The following PHACTR3 variants were observed in gnomAD, a reference collection of about 807,000 sequenced individuals.
PHACTR3 encodes phosphatase and actin regulator 3.
In PHACTR3, 16 loss-of-function variants were observed where a neutral mutation model predicts 66.8. The observed-to-expected ratio is 0.24, with a 90% CI of 0.16 to 0.36. The LOEUF (loss-of-function observed/expected upper bound fraction) is 0.36, where lower values mean the gene tolerates loss of function less well. Ranked by LOEUF, PHACTR3 falls within the 10% of genes least tolerant of loss-of-function variation. The pLI, the probability that PHACTR3 is intolerant of heterozygous loss-of-function variation, is 1.00. For missense variants in PHACTR3, 647 were observed against 719.9 expected, an observed-to-expected ratio of 0.90 and a Z score of 1.16; for synonymous variants, 323 against 292.1, an observed-to-expected ratio of 1.11 and a Z score of -1.08.
chr20:59,810,334 A>G (rs370200833), intron 8 of PHACTR3, among the ~76,000 whole-genome samples: 15 of 152,220 alleles, frequency 9.9e-5, no homozygotes, highest in African/African-American at 2.4e-4. Flanking sequence ...CTAATTTTAA[A>G]CCTTGGACTG....
chr20:59,755,515 T>A, intron 4 of PHACTR3, 151 bp downstream of exon 4: 1 of 914,182 alleles, frequency 1.1e-6, no homozygotes, highest in Non-Finnish European at 1.6e-6. Context: ...CATGCTGTGC[T>A]GCCTGGCTGG....
At chr20:59,742,040 C>T (rs1319779070) in intron 1 of PHACTR3, among the ~76,000 whole-genome samples, 8 of 152,342 alleles carry the variant, frequency 5.3e-5, no homozygotes, top group East Asian at 1.9e-4. Context: ...GGATTATAGG[C>T]GTAAGCCACT....
At chr20:59,737,521 CGTGTATGTGTGT>C (rs1568762687) in intron 1 of PHACTR3, among the ~76,000 whole-genome samples, 1 of 125,960 alleles carries the variant, frequency 7.9e-6, no homozygotes, top group African/African-American at 2.5e-5. Flanking sequence ...TGCATGTGTG[CGTGTATGTGTGT>C]GCGTGCATGT....
At chr20:59,811,783 G>C (rs578081609) in intron 8 of PHACTR3, among the ~76,000 whole-genome samples, 1 of 152,270 alleles carries the variant, frequency 6.6e-6, no homozygotes, top group East Asian at 1.9e-4. Flanking sequence ...CAGCAAGCAG[G>C]CTAGAGCCCC....
At chr20:59,699,532 A>G (rs1172829295) in intron 1 of PHACTR3, among the ~76,000 whole-genome samples, 1 of 151,826 alleles carries the variant, frequency 6.6e-6, no homozygotes, top group Non-Finnish European at 1.5e-5. Context: ...TTTTCTTTCT[A>G]CCCCCTTTCT....
At chr20:59,835,793 CTGGGCTGATGG>C (rs2042508731) in intron 8 of PHACTR3, 1 of 152,238 alleles carries the variant, frequency 6.6e-6, no homozygotes, top group Non-Finnish European at 1.5e-5. Flanking sequence ...CACACTCCGT[CTGGGCTGATGG>C]TGGGAGGGGA....
chr20:59,682,066 G>A (rs112085935), intron 1 of PHACTR3, among the ~76,000 whole-genome samples: 7 of 151,630 alleles, frequency 4.6e-5, no homozygotes, highest in East Asian at 1.9e-4. Flanking sequence ...TTGGCTGGAC[G>A]CGGTGGCTCA....
chr20:59,629,161 G>A (rs559750186), intron 1 of PHACTR3, among the ~76,000 whole-genome samples: 2 of 152,352 alleles, frequency 1.3e-5, no homozygotes, highest in Admixed American at 1.3e-4. Context: ...TCCTGAAGTG[G>A]CATGGGCGAC....
chr20:59,657,258 TGTG>T (rs939777379), intron 1 of PHACTR3, among the ~76,000 whole-genome samples: 3 of 17,766 alleles, frequency 1.7e-4, no homozygotes, highest in East Asian at 2.7e-3. Flanking sequence ...AGAAGTGTGT[TGTG>T]TGTGTGTGTG....
chr20:59,605,061 G>A lies in PHACTR3; in HGVS notation c.47G>A (p.Arg16His). The part of the protein sequence containing the change: ...DGSGCLVSRG[R>H]SQSDPSVLTD... ...AGCGGCTGCCTCGTGTCGCGGGGCCGCTCGCAGAGTGACCCCAGCGTCCTC... is the reference window on the plus strand; with the variant it reads ...AGCGGCTGCCTCGTGTCGCGGGGCCACTCGCAGAGTGACCCCAGCGTCCTC... The change falls in exon 1 of 13, where the codon CGC becomes CAC. Residue 16 changes from arginine to histidine, a missense_variant. This residue lies in a region of PHACTR3 where 577 missense variants were observed against 571.1 expected (regional missense o/e 1.01). Coordinates refer to ENST00000371015, the MANE Select transcript of PHACTR3 (RefSeq NM_080672.5). 2 of 1,403,052 alleles carry A rather than the reference G, an allele frequency of 1.4e-6. No homozygotes were observed. Among genetic ancestry groups the A allele is most frequent in the South Asian group, 1.6e-5 (1 of 63,378 alleles). The allele number at this position is 1,403,052 out of a possible 1,614,324, so 86.9% of individuals were successfully genotyped here. A position where few individuals can be genotyped will look rare whatever the true frequency, so the allele number is the denominator to read the frequency against.
chr20:59,809,112 G>T (rs2041658641), intron 8 of PHACTR3, among the ~76,000 whole-genome samples: 1 of 152,108 alleles, frequency 6.6e-6, no homozygotes, highest in Non-Finnish European at 1.5e-5. Flanking sequence ...GGTTGTTTCT[G>T]GTCTCCGCTG....
upstream of PHACTR3, chr20:59,603,452 C>G (rs574991681): frequency 2.0e-5 from 3 of 152,620 alleles, no homozygotes; most frequent in South Asian, 6.2e-4. Flanking sequence ...TATTCCCCCT[C>G]CCCACCACCA....
chr20:59,722,238 A>T lies in PHACTR3; in HGVS notation c.119-20869A>T, dbSNP rs182503064. ...CAGAGTGAGACTCTGTCTCAAAAAA[A>T]AAAGTAAAACAAGGTGGCACCTCAG... On this transcript the variant is annotated intron_variant, in intron 1 of 12. Transcript: ENST00000371015. Among the ~76,000 whole-genome samples the T allele has an allele frequency of 5.3e-5, 8 of 152,206 alleles. No homozygotes were observed. In the East Asian group the frequency reaches 1.5e-3, roughly 29 times the overall value.
chr20:59,785,979 A>G (rs1687131798), intron 7 of PHACTR3, among the ~76,000 whole-genome samples: 1 of 152,114 alleles, frequency 6.6e-6, no homozygotes, highest in South Asian at 2.1e-4. Context: ...TTTTCTGTTT[A>G]TTTGCAGGTA....
At chr20:59,655,143 C>G (rs1368285464) in intron 1 of PHACTR3, among the ~76,000 whole-genome samples, 1 of 151,916 alleles carries the variant, frequency 6.6e-6, no homozygotes, top group Non-Finnish European at 1.5e-5. Flanking sequence ...AAAGAACTTC[C>G]AAATAGTTCT....
chr20:59,821,754 T>A (rs1364008487), intron 8 of PHACTR3, among the ~76,000 whole-genome samples: 1 of 152,168 alleles, frequency 6.6e-6, no homozygotes, highest in African/African-American at 2.4e-5. Context: ...AAGTGATTTC[T>A]GGAGCAGCCT....
chr20:59,708,466 C>T (rs1414940054), intron 1 of PHACTR3, among the ~76,000 whole-genome samples: 4 of 152,158 alleles, frequency 2.6e-5, no homozygotes, highest in African/African-American at 9.7e-5. Context: ...GGGCAGATGC[C>T]ACTTGCACTC....
chr20:59,582,116 C>A lies in PHACTR3; in HGVS notation c.109+4499C>A, dbSNP rs758541732. Among the ~76,000 whole-genome samples, 3 of 152,330 alleles carry A rather than the reference C, an allele frequency of 2.0e-5. No individual in the cohort carries two copies. In the East Asian group the frequency reaches 5.8e-4, roughly 29 times the overall value. On this transcript the variant is annotated intron_variant, in intron 1 of 12. Coordinates refer to the PHACTR3 transcript ENST00000359926. ...ATCCCTCTGGAACATGAATCCTCCC[C>A]CCGCCCGCCACCTTTCGCCCTTCCC... is the stretch of plus-strand genomic sequence containing the variant.
chr20:59,635,081 T>TTTTC (rs1192048657), intron 1 of PHACTR3, among the ~76,000 whole-genome samples: 27 of 149,820 alleles, frequency 1.8e-4, no homozygotes, highest in Admixed American at 4.0e-4. Context: ...TTCTGTTCTT[T>TTTTC]TTTCTTTCTT....
Sources: gnomAD v4.1 joint callset for allele counts (sites outside exome capture counted in the v4.1 genomes callset) on GRCh38, gnomAD v4.1.1 for gene constraint, gnomAD v4.1.1 regional missense constraint, MANE v1.5 for transcripts, NCBI Gene and HGNC (gene_info 2026-07-23, HGNC 2026-07-21) for gene names.